The following KIAA1614 variants were observed in gnomAD, a reference collection of about 807,000 sequenced individuals.
The protein encoded by KIAA1614 is KIAA1614.
In KIAA1614, 76 loss-of-function variants were observed where a neutral mutation model predicts 88.7. The observed-to-expected ratio is 0.86, with a 90% confidence interval of 0.71 to 1.04. KIAA1614 has a LOEUF of 1.04. KIAA1614 is among the 50% of genes least tolerant of loss of function. KIAA1614 has a pLI of 0.00. For missense variants in KIAA1614, 1,553 were observed against 1,582.5 expected, an observed-to-expected ratio of 0.98 and a Z score of 0.32; for synonymous variants, 714 against 675.5, an observed-to-expected ratio of 1.06 and a Z score of -0.88.
intron 3 of KIAA1614, among the ~76,000 whole-genome samples, chr1:180,927,242 T>C (rs1268797268): frequency 6.6e-6 from 1 of 152,140 alleles, no homozygotes; most frequent in Non-Finnish European, 1.5e-5. Context: ...TGGAGCCCTG[T>C]GGACCCTCAC....
At chr1:180,918,776 A>G (rs1236656762) in intron 3 of KIAA1614, among the ~76,000 whole-genome samples, 1 of 151,952 alleles carries the variant, frequency 6.6e-6, no homozygotes. Context: ...AGTTAGAACC[A>G]CCTCCAGAAA....
chr1:180,934,909 G>A (rs1654280047), intron 4 of KIAA1614, among the ~76,000 whole-genome samples: 1 of 152,192 alleles, frequency 6.6e-6, no homozygotes, highest in Non-Finnish European at 1.5e-5. Flanking sequence ...TTTGTTTAGC[G>A]CTGTCTCAGG....
intron 3 of KIAA1614, among the ~76,000 whole-genome samples, chr1:180,922,744 G>A (rs1264844541): frequency 6.6e-6 from 1 of 152,204 alleles, no homozygotes; most frequent in East Asian, 1.9e-4. Flanking sequence ...GTGTGCAGAT[G>A]TTTCCCACCC....
rs752987614 is a variant in KIAA1614 at position 180,917,873 on chromosome 1, C to T, written c.1020C>T (p.Asp340=). ...AAPERPVGDV[D]WASGTSLQDS... is the part of the protein sequence containing the mutation. The stretch of plus-strand genomic sequence containing the variant: ...TAGAGCGACCAGTGGGGGATGTGGA[C>T]TGGGCCTCGGGCACCTCCTTGCAGG... The change falls in exon 3 of 9, where the codon GAC becomes GAT. Residue 340 remains aspartate (D), a synonymous_variant. Coordinates refer to ENST00000367588, the MANE Select transcript of KIAA1614 (RefSeq NM_020950.2). The T allele has an allele frequency of 4.3e-6, 7 of 1,614,014 alleles. No individual in the cohort carries two copies. The Admixed American group carries it at 8.3e-5, about 19-fold the overall frequency.
chr1:180,938,903 T>C (rs1016439501), intron 6 of KIAA1614, among the ~76,000 whole-genome samples, 192 bp downstream of exon 6: 2 of 152,176 alleles, frequency 1.3e-5, no homozygotes, highest in Non-Finnish European at 2.9e-5. Flanking sequence ...ATGTACCTGA[T>C]CATTCATTCA....
chr1:180,948,574 T>C lies in KIAA1614; in HGVS notation c.*2986T>C, dbSNP rs2102280590. ...GGCAGCATTCTTTCAGGGTTTATCATTAGTCCCCACCTGCAACTCCCACAG... is the reference window on the plus strand; with the variant it reads ...GGCAGCATTCTTTCAGGGTTTATCACTAGTCCCCACCTGCAACTCCCACAG... On this transcript the variant is annotated 3_prime_UTR_variant, in exon 9 of 9. Coordinates refer to ENST00000367588, the MANE Select transcript of KIAA1614 (RefSeq NM_020950.2). 1.3e-5 allele frequency: 2 copies of C among 152,326 alleles called. No homozygotes were observed. Among genetic ancestry groups the C allele is most frequent in the African/African-American group, 4.8e-5 (2 of 41,556 alleles). 9.4% of individuals were successfully genotyped at this position (152,326 alleles called of 1,614,324 possible).
intron 7 of KIAA1614, among the ~76,000 whole-genome samples, chr1:180,942,315 C>G (rs1482496235): frequency 6.6e-6 from 1 of 152,238 alleles, no homozygotes; most frequent in African/African-American, 2.4e-5. Context: ...AAGCGCCCCA[C>G]GCTCTGCAAC....
chr1:180,933,891 T>G (rs1266139107), intron 4 of KIAA1614, among the ~76,000 whole-genome samples: 1 of 152,202 alleles, frequency 6.6e-6, no homozygotes, highest in East Asian at 1.9e-4. Flanking sequence ...ACTGTTGCCT[T>G]GTCTGAATTA....
rs1340062468 is a variant in KIAA1614 at position 180,936,542 on chromosome 1, C to A, written c.2633C>A (p.Thr878Asn). The A allele has an allele frequency of 6.2e-7, 1 of 1,614,072 alleles. No homozygotes were observed. Among genetic ancestry groups the A allele is most frequent in the Non-Finnish European group, 8.5e-7 (1 of 1,180,010 alleles). Reference sequence around the variant, plus strand: ...AGGCACCCACTGCTGGCCCTGTCCACCAACAACTGCAACAACAGCGCACCT... The same window carrying A: ...AGGCACCCACTGCTGGCCCTGTCCAACAACAACTGCAACAACAGCGCACCT... Reference protein sequence around the residue: ...QVRHPLLALSTNNCNNSAPRG... With the variant: ...QVRHPLLALSNNNCNNSAPRG... Residue 878 changes from threonine to asparagine, a missense_variant, in exon 5 of 9, where the codon ACC becomes AAC. Transcript: ENST00000367588.
chr1:180,935,612 G>C lies in KIAA1614; in HGVS notation c.1703G>C (p.Gly568Ala). ...RTLQELQAAC[G>A]MERVLGGLSS... ...CTCCAGGAGCTCCAGGCTGCCTGTGGGATGGAGAGGGTGCTGGGTGGCCTG... is the reference window on the plus strand; with the variant it reads ...CTCCAGGAGCTCCAGGCTGCCTGTGCGATGGAGAGGGTGCTGGGTGGCCTG... Residue 568 changes from glycine to alanine, a missense_variant, in exon 5 of 9, where the codon GGG (glycine) becomes GCG (alanine). Transcript: ENST00000367588. The surrounding 1 kb of genome is among the most constrained non-coding windows in gnomAD (Gnocchi z 6.1). 1.9e-6 allele frequency: 3 copies of C among 1,611,384 alleles called. No homozygotes were observed. Among genetic ancestry groups the C allele is most frequent in the Non-Finnish European group, 2.5e-6 (3 of 1,178,998 alleles).
intron 5 of KIAA1614, among the ~76,000 whole-genome samples, chr1:180,937,948 C>T (rs767082652): frequency 6.6e-6 from 1 of 152,180 alleles, no homozygotes; most frequent in African/African-American, 2.4e-5. Context: ...TGAAGCAGAG[C>T]GAGTGAGGCC....
At chr1:180,915,498 C>T (rs1653769457) in intron 1 of KIAA1614, among the ~76,000 whole-genome samples, 1 of 152,204 alleles carries the variant, frequency 6.6e-6, no homozygotes, top group Non-Finnish European at 1.5e-5. Flanking sequence ...GATTAGTTGT[C>T]CTCTGAAGCT....
chr1:180,930,925 G>A (rs1197791638), intron 4 of KIAA1614, among the ~76,000 whole-genome samples: 2 of 152,228 alleles, frequency 1.3e-5, no homozygotes, highest in Non-Finnish European at 2.9e-5. Flanking sequence ...CAGGCCCCAG[G>A]CCTCAGTTAG....
rs944921105 is a variant in KIAA1614, at chr1:180,946,151, C to G, written c.*563C>G. ...AATAAATTAGAATTTTGAAGGCCAT[C>G]TTTGCAGAGGAGAGCCAGAGGGAAA... On this transcript the variant is annotated 3_prime_UTR_variant, in exon 9 of 9. Transcript: ENST00000367588. 2 of 152,216 alleles carry G rather than the reference C, an allele frequency of 1.3e-5. No homozygotes were observed. The highest frequency in any genetic ancestry group is 2.9e-5 in the Non-Finnish European group (2 of 68,092). The allele number at this position is 152,216 out of a possible 1,614,324, so 9.4% of individuals were successfully genotyped here. A position where few individuals can be genotyped will look rare whatever the true frequency, so the allele number is the denominator to read the frequency against.
At chr1:180,918,853 GCTTA>G (rs1653883564) in intron 3 of KIAA1614, among the ~76,000 whole-genome samples, 1 of 152,180 alleles carries the variant, frequency 6.6e-6, no homozygotes, top group African/African-American at 2.4e-5. Context: ...AGGCTGGGTG[GCTTA>G]CTAACAGAAA....
chr1:180,935,916 G>A lies in KIAA1614; in HGVS notation c.2007G>A (p.Trp669Ter), dbSNP rs754257262. 32 of 1,613,884 alleles carry A rather than the reference G, an allele frequency of 2.0e-5. No individual in the cohort carries two copies. The highest frequency in any genetic ancestry group is 2.7e-5 in the Non-Finnish European group (32 of 1,179,928). The change falls in exon 5 of 9, where the codon TGG becomes TGA. Residue 669 changes from tryptophan (W) to a stop codon, truncating the protein, a stop_gained. Transcript: ENST00000367588. LOFTEE classifies it high-confidence loss of function. The surrounding 1 kb of genome is among the most constrained non-coding windows in gnomAD (Gnocchi z 6.1). ...AGAAGGCTGAGGCGGAGCTCCCTTG[G>A]GGCCTTCAGGCCCAGCAACACCTGC... ...WSKKAEAELPWGLQAQQHLPR... is the reference protein window; with the variant it reads ...WSKKAEAELP
chr1:180,917,248 G>A (rs1312111962), intron 2 of KIAA1614, 148 bp downstream of exon 2: 9 of 662,392 alleles, frequency 1.4e-5, no homozygotes, highest in Admixed American at 2.9e-5. Flanking sequence ...CATCAGGATG[G>A]CCTCTTGTCC....
At position 180,945,305 on chromosome 1, in the gene KIAA1614, C is replaced by T. The variant is rs377285014; in HGVS notation, c.3290C>T (p.Pro1097Leu). 57 of 1,579,704 alleles carry T rather than the reference C, an allele frequency of 3.6e-5. No homozygotes were observed. The African/African-American group carries it at 5.1e-4, about 14-fold the overall frequency. Reference sequence around the variant, plus strand: ...CTGTGTCTCTGGTTCCCTCGCAGGCCGGCCAAGACTTCACCACGGCGTGCC... The same window carrying T: ...CTGTGTCTCTGGTTCCCTCGCAGGCTGGCCAAGACTTCACCACGGCGTGCC... ...GPGDHSAAGR[P>L]AKTSPRRALS... The change falls in exon 9 of 9, where the codon CCG (proline) becomes CTG (leucine). Residue 1097 changes from proline (P) to leucine (L), a missense_variant and splice_region_variant. Coordinates refer to ENST00000367588, the MANE Select transcript of KIAA1614 (RefSeq NM_020950.2).
At chr1:180,934,040 A>G (rs1321721240) in intron 4 of KIAA1614, among the ~76,000 whole-genome samples, 1 of 152,174 alleles carries the variant, frequency 6.6e-6, no homozygotes, top group Non-Finnish European at 1.5e-5. Flanking sequence ...AGATCACCTG[A>G]GGTCGGGAGT....
Sources: allele counts gnomAD v4.1 joint callset (sites outside exome capture counted in the v4.1 genomes callset), GRCh38; gene constraint gnomAD v4.1.1; non-coding constraint Gnocchi (gnomAD v3.1); transcripts MANE v1.5; gene names NCBI Gene and HGNC (gene_info 2026-07-23, HGNC 2026-07-21).